KCNIP4: variants seen among roughly 807,000 people sequenced by gnomAD.
The protein encoded by KCNIP4 is Kv channel-interacting protein 4.
A neutral mutation model predicts 34.0 loss-of-function variants in KCNIP4; 12 were observed. The ratio of observed to expected loss-of-function variants is 0.35; its 90% CI spans 0.23 to 0.57. KCNIP4 has a LOEUF of 0.57. Ranked by LOEUF, KCNIP4 falls within the 20% of genes least tolerant of loss-of-function variation. The pLI is 0.83. For missense variants in KCNIP4, 238 were observed against 311.7 expected, an observed-to-expected ratio of 0.76 and a Z score of 1.78; for synonymous variants, 124 against 102.2, an observed-to-expected ratio of 1.21 and a Z score of -1.29.
At chr4:21,035,057 G>C (rs1577572134) in intron 1 of KCNIP4, among the ~76,000 whole-genome samples, 1 of 152,164 alleles carries the variant, frequency 6.6e-6, no homozygotes, top group Non-Finnish European at 1.5e-5. Flanking sequence ...TCTTATCCTT[G>C]CCTCTCAACT....
At position 21,369,293 on chromosome 4, in the gene KCNIP4, G is replaced by A. The variant is rs368942438; in HGVS notation, c.62-486584C>T. 2.4e-4 allele frequency among the ~76,000 whole-genome samples: 35 copies of A among 147,540 alleles called. 3 individuals carry two copies. Among genetic ancestry groups the A allele is most frequent in the African/African-American group, 4.8e-4 (18 of 37,172 alleles). Reference sequence around the variant, plus strand: ...CTTTTATGTCAGGTACCAAATTACAGTTATGTTCTGAAGATATAAAGATTA... The same window carrying A: ...CTTTTATGTCAGGTACCAAATTACAATTATGTTCTGAAGATATAAAGATTA... On this transcript the variant is annotated intron_variant, in intron 1 of 8. Coordinates refer to ENST00000382152, the MANE Select transcript of KCNIP4 (RefSeq NM_025221.6).
rs368447179 is a variant in KCNIP4, at chr4:20,732,103, T to G, written c.643-35A>C. 1.0e-5 allele frequency: 15 copies of G among 1,460,472 alleles called. 1 individual carries two copies. In the African/African-American group the frequency reaches 1.7e-4, roughly 16 times the overall value. 90.5% of individuals were successfully genotyped at this position (1,460,472 alleles called of 1,614,324 possible). ...AAGAAAACAAAAATTGTATTTAGAC[T>G]TATCCCTTAATACCCTCACACCTGG... On this transcript the variant is annotated intron_variant, in intron 7 of 8. Coordinates refer to ENST00000382152, the MANE Select transcript of KCNIP4 (RefSeq NM_025221.6).
At chr4:21,722,188 T>G (rs1714866495) in intron 1 of KCNIP4, among the ~76,000 whole-genome samples, 1 of 152,154 alleles carries the variant, frequency 6.6e-6, no homozygotes, top group Non-Finnish European at 1.5e-5. Flanking sequence ...CTACTGCTAG[T>G]GCTAAAGAAA....
chr4:21,118,103 T>C (rs1375712337), intron 1 of KCNIP4, among the ~76,000 whole-genome samples: 2 of 152,128 alleles, frequency 1.3e-5, no homozygotes, highest in African/African-American at 4.8e-5. Context: ...TGTTTGTGTG[T>C]CTATGCGTGA....
chr4:21,766,976 C>A (rs1458689066), intron 1 of KCNIP4, among the ~76,000 whole-genome samples: 3 of 152,076 alleles, frequency 2.0e-5, no homozygotes, highest in Non-Finnish European at 4.4e-5. Flanking sequence ...AGAAAATGCA[C>A]AAGGAAACAA....
At chr4:20,893,448 A>C (rs1262224801) in intron 1 of KCNIP4, among the ~76,000 whole-genome samples, 2 of 152,082 alleles carry the variant, frequency 1.3e-5, no homozygotes, top group Non-Finnish European at 2.9e-5. Context: ...TTTGAGACAT[A>C]ATCTCACTCT....
At chr4:21,193,553 C>T (rs1391258299) in intron 1 of KCNIP4, among the ~76,000 whole-genome samples, 2 of 149,392 alleles carry the variant, frequency 1.3e-5, no homozygotes, top group African/African-American at 2.5e-5. Context: ...CAGTATGGAT[C>T]ACTTATTGCA....
chr4:21,173,993 A>G (rs1031324727), intron 1 of KCNIP4, among the ~76,000 whole-genome samples: 8 of 152,188 alleles, frequency 5.3e-5, no homozygotes, highest in Non-Finnish European at 1.5e-5. Flanking sequence ...GCAATGAAAG[A>G]AAAGGTCACC....
At chr4:21,230,517 G>A (rs543139596) in intron 1 of KCNIP4, among the ~76,000 whole-genome samples, 5 of 152,160 alleles carry the variant, frequency 3.3e-5, no homozygotes, top group African/African-American at 1.2e-4. Flanking sequence ...CCCCTGACAG[G>A]AGAGTCAGGG....
rs76403350 is a variant in KCNIP4 at position 21,400,579 on chromosome 4, G to A, written c.62-517870C>T. ...TCTTCTCTTCTCTTCTCTTCTCTTC[G>A]TTCTTTCTTTCTTCCTTCTTTTCTC... On this transcript the variant is annotated intron_variant, in intron 1 of 8. Coordinates refer to ENST00000382152, the MANE Select transcript of KCNIP4 (RefSeq NM_025221.6). Among the ~76,000 whole-genome samples the A allele has an allele frequency of 2.6e-3, 191 of 73,240 alleles. 3 individuals carry two copies. Among genetic ancestry groups the A allele is most frequent in the African/African-American group, 0.01 (183 of 17,598 alleles). 48.0% of individuals were successfully genotyped at this position (73,240 alleles called of 152,430 possible).
At chr4:20,947,049 C>A (rs1298803231) in intron 1 of KCNIP4, among the ~76,000 whole-genome samples, 1 of 152,136 alleles carries the variant, frequency 6.6e-6, no homozygotes, top group Non-Finnish European at 1.5e-5. Context: ...CCTGGCATAC[C>A]TTCTTTGCTC....
At chr4:21,233,514 G>T (rs1758951479) in intron 1 of KCNIP4, among the ~76,000 whole-genome samples, 1 of 152,004 alleles carries the variant, frequency 6.6e-6, no homozygotes, top group Non-Finnish European at 1.5e-5. Flanking sequence ...TGAGGATTCA[G>T]AAGAGAGAGA....
At chr4:21,825,733 G>A (rs1168702682) in intron 1 of KCNIP4, among the ~76,000 whole-genome samples, 1 of 152,008 alleles carries the variant, frequency 6.6e-6, no homozygotes, top group African/African-American at 2.4e-5. Context: ...CCTGGCTCAC[G>A]GTTACCTACT....
chr4:21,057,365 T>C (rs1743502079), intron 1 of KCNIP4, among the ~76,000 whole-genome samples: 1 of 152,204 alleles, frequency 6.6e-6, no homozygotes, highest in Non-Finnish European at 1.5e-5. Flanking sequence ...CTGAGCTTAT[T>C]TCAGAAAGCA....
At chr4:21,547,100 G>A (rs1365486837) in intron 1 of KCNIP4, among the ~76,000 whole-genome samples, 2 of 152,032 alleles carry the variant, frequency 1.3e-5, no homozygotes, top group Admixed American at 6.6e-5. Flanking sequence ...CCCTGAGACT[G>A]GGCACTAGGA....
At chr4:20,834,371 G>A (rs1718791957) in intron 3 of KCNIP4, among the ~76,000 whole-genome samples, 1 of 152,196 alleles carries the variant, frequency 6.6e-6, no homozygotes, top group Non-Finnish European at 1.5e-5. Context: ...CTGGGTATAT[G>A]TGGGTAAGCC....
At chr4:21,866,843 C>G (rs1024665805) in intron 1 of KCNIP4, among the ~76,000 whole-genome samples, 5 of 138,542 alleles carry the variant, frequency 3.6e-5, no homozygotes, top group African/African-American at 1.3e-4. Flanking sequence ...TATCTCTCAG[C>G]TCACTGCAAG....
At chr4:20,957,885 T>C (rs1443263174) in intron 1 of KCNIP4, among the ~76,000 whole-genome samples, 1 of 152,216 alleles carries the variant, frequency 6.6e-6, no homozygotes, top group Non-Finnish European at 1.5e-5. Flanking sequence ...CTTCTCATGG[T>C]ATTCTCTGCT....
At chr4:21,826,753 A>G (rs900110083) in intron 1 of KCNIP4, among the ~76,000 whole-genome samples, 1 of 152,158 alleles carries the variant, frequency 6.6e-6, no homozygotes, top group African/African-American at 2.4e-5. Flanking sequence ...ACATAGCAAA[A>G]TATATTTTAT....
Sources: gnomAD v4.1 joint callset for allele counts (sites outside exome capture counted in the v4.1 genomes callset) on GRCh38, gnomAD v4.1.1 for gene constraint, MANE v1.5 for transcripts, NCBI Gene and HGNC (gene_info 2026-07-23, HGNC 2026-07-21) for gene names.